The following RCC1 variants were observed in gnomAD, a reference collection of about 807,000 sequenced individuals.
RCC1 encodes regulator of chromosome condensation.
A neutral mutation model predicts 44.4 loss-of-function variants in RCC1; 11 were observed. The observed-to-expected ratio is 0.25, with a 90% CI of 0.16 to 0.41. RCC1 has a LOEUF of 0.41. RCC1 is among the 10% of genes least tolerant of loss of function. The pLI is 1.00. For missense variants in RCC1, 386 were observed against 547.1 expected (o/e 0.71, Z 2.94); for synonymous variants, 213 against 216.5 (o/e 0.98, Z 0.14).
chr1:28,507,442 C>T (rs199533014), intron 1 of RCC1: 10 of 518,998 alleles, frequency 1.9e-5, no homozygotes, highest in Non-Finnish European at 3.1e-5. Flanking sequence ...GGCTCTGCCC[C>T]ATGATGTACA....
chr1:28,510,519 G>C (rs1194436949), intron 3 of RCC1: 1 of 152,214 alleles, frequency 6.6e-6, no homozygotes, highest in Non-Finnish European at 1.5e-5. Flanking sequence ...AGGCAGAATT[G>C]CTGGAACCCG....
At chr1:28,532,950 G>A (rs1328322479) in intron 7 of RCC1, among the ~76,000 whole-genome samples, 1 of 152,016 alleles carries the variant, frequency 6.6e-6, no homozygotes. Context: ...CAAGTAGCTG[G>A]GATTACAGGC....
intron 4 of RCC1, among the ~76,000 whole-genome samples, chr1:28,527,494 C>G (rs1350489057): frequency 6.6e-6 from 1 of 152,066 alleles, no homozygotes; most frequent in Non-Finnish European, 1.5e-5. Flanking sequence ...CCTCCTGCCT[C>G]GACTTCCCAA....
intron 3 of RCC1, among the ~76,000 whole-genome samples, chr1:28,511,696 CTG>C (rs1223968105): frequency 2.0e-5 from 3 of 150,952 alleles, no homozygotes; most frequent in African/African-American, 4.9e-5. Context: ...TAATCTCACT[CTG>C]TCTCCAGGAG....
chr1:28,509,753 A>AGG (rs1441954640), intron 3 of RCC1: 2 of 152,226 alleles, frequency 1.3e-5, no homozygotes, highest in African/African-American at 2.4e-5. Context: ...ACCTAGTCTC[A>AGG]GGTGGGTCCC....
At chr1:28,506,193 T>C in intron 1 of RCC1, 109 bp downstream of exon 1, 1 of 444,462 alleles carries the variant, frequency 2.2e-6, no homozygotes, top group Non-Finnish European at 4.5e-6. Flanking sequence ...TAGTATTTTA[T>C]TTATTTACTT....
At chr1:28,531,774 A>G in intron 5 of RCC1, 29 bp from the exon 6 acceptor site, 1 of 1,497,204 alleles carries the variant, frequency 6.7e-7, no homozygotes, top group Middle Eastern at 1.9e-4. Context: ...CATCCTCTAC[A>G]CTCAGGGTCT....
intron 3 of RCC1, chr1:28,510,965 G>C (rs1447813973): frequency 6.6e-6 from 1 of 152,202 alleles, no homozygotes; most frequent in Non-Finnish European, 1.5e-5. Flanking sequence ...GGCAGGAAAT[G>C]AATGAATTTC....
intron 1 of RCC1, chr1:28,507,345 T>C (rs1662043167): frequency 1.9e-6 from 1 of 517,512 alleles, no homozygotes; most frequent in African/African-American, 1.9e-5. Context: ...ATTCTGTAAA[T>C]TTATGCGTTA....
chr1:28,512,549 T>C (rs1048146349), intron 3 of RCC1, among the ~76,000 whole-genome samples: 1 of 152,194 alleles, frequency 6.6e-6, no homozygotes, highest in Non-Finnish European at 1.5e-5. Context: ...TTGGGGTTAG[T>C]TTGCTCATCT....
chr1:28,508,814 A>G lies in RCC1; in HGVS notation c.-228-16A>G, dbSNP rs764856221. 1 of 517,288 alleles carries G rather than the reference A, an allele frequency of 1.9e-6. No individual in the cohort carries two copies. The highest frequency in any genetic ancestry group is 1.9e-5 in the African/African-American group (1 of 51,726). 32.0% of individuals were successfully genotyped at this position (517,288 alleles called of 1,614,324 possible). A position where few individuals can be genotyped will look rare whatever the true frequency, so the allele number is the denominator to read the frequency against. On this transcript the variant is annotated splice_polypyrimidine_tract_variant and intron_variant, in intron 2 of 12. Transcript: ENST00000683442. Reference sequence around the variant, plus strand: ...TAGGATCTTCAGGAGTCTAATCATTATTTCTTTTCTTTTAGGAGAGAAGAC... The same window carrying G: ...TAGGATCTTCAGGAGTCTAATCATTGTTTCTTTTCTTTTAGGAGAGAAGAC...
Position 28,536,366 on chromosome 1 carries a change from T to G in RCC1, c.922T>G (p.Cys308Gly). Residue 308 changes from cysteine (C) to glycine (G), a missense_variant, in exon 11 of 13, where the codon TGC becomes GGC. By Grantham distance (159) the Cys-to-Gly change is radical. Transcript: ENST00000683442. The surrounding 1 kb of genome is among the most constrained non-coding windows in gnomAD (Gnocchi z 4.9). ...CTCTGGTGGCCAGCACCATACAGTC[T>G]GCATGGATTCGGAAGGTAGGGCCTT... ...GFSGGQHHTVCMDSEGKAYSL... is the reference protein window; with the variant it reads ...GFSGGQHHTVGMDSEGKAYSL... The G allele has an allele frequency of 6.2e-7, 1 of 1,613,884 alleles. No homozygotes were observed. The highest frequency in any genetic ancestry group is 8.5e-7 in the Non-Finnish European group (1 of 1,179,956).
chr1:28,519,364 C>T (rs1570181826), intron 4 of RCC1, among the ~76,000 whole-genome samples: 1 of 152,012 alleles, frequency 6.6e-6, no homozygotes, highest in Non-Finnish European at 1.5e-5. Flanking sequence ...AAGATTTCCC[C>T]CAAGAAGGGT....
rs1249065486 is a variant in RCC1, at chr1:28,537,968, G to A, written c.1227G>A (p.Gln409=). ...TCTTATCTGTGTCCAGCGGGGGCCA[G>A]CATACAGTCTTATTAGTCAAGGACA... is the stretch of plus-strand genomic sequence containing the variant. ...RVVLSVSSGG[Q]HTVLLVKDKE... is the part of the protein sequence containing the mutation. Residue 409 remains glutamine (Q), a synonymous_variant, in exon 13 of 13, where the codon CAG becomes CAA. Coordinates refer to ENST00000683442, the MANE Select transcript of RCC1 (RefSeq NM_001381865.2). The A allele has an allele frequency of 6.2e-7, 1 of 1,613,768 alleles. No individual in the cohort carries two copies. Among genetic ancestry groups the A allele is most frequent in the Non-Finnish European group, 8.5e-7 (1 of 1,179,940 alleles).
rs567710263 is a variant in RCC1, at chr1:28,535,808, C to G, written c.662-63C>G. ...TTTTATAATGGAGGAGAATTAAACT[C>G]GGGGCAGAGAGAAGCCATGTGTGTC... On this transcript the variant is annotated intron_variant, in intron 9 of 12. Transcript: ENST00000683442. The G allele has an allele frequency of 3.2e-5, 49 of 1,549,654 alleles. 2 individuals carry two copies. In the South Asian group the frequency reaches 5.7e-4, roughly 18 times the overall value.
intron 4 of RCC1, among the ~76,000 whole-genome samples, chr1:28,528,009 C>CAAAAAAA (rs56261878): frequency 1.0e-5 from 1 of 97,620 alleles, no homozygotes. Context: ...AACTCTGCTT[C>CAAAAAAA]AAAAAAAAAA....
intron 5 of RCC1, among the ~76,000 whole-genome samples, chr1:28,530,803 C>T (rs1176866615): frequency 6.6e-6 from 1 of 152,210 alleles, no homozygotes; most frequent in Non-Finnish European, 1.5e-5. Context: ...CCTCCCGCCC[C>T]TCCTGCCTCT....
chr1:28,530,716 C>T, intron 5 of RCC1: 1 of 980,876 alleles, frequency 1.0e-6, no homozygotes, highest in South Asian at 1.7e-5. Context: ...CTGCCCGGGG[C>T]TGCGGGTTGG....
chr1:28,519,469 C>T (rs1663134339), intron 4 of RCC1, among the ~76,000 whole-genome samples: 1 of 152,184 alleles, frequency 6.6e-6, no homozygotes, highest in Non-Finnish European at 1.5e-5. Context: ...TTCATCGTTA[C>T]AACTTTCTCA....
Sources: gnomAD v4.1 joint callset for allele counts (sites outside exome capture counted in the v4.1 genomes callset) on GRCh38, gnomAD v4.1.1 for gene constraint, Gnocchi (gnomAD v3.1) non-coding constraint, MANE v1.5 for transcripts, NCBI Gene and HGNC (gene_info 2026-07-23, HGNC 2026-07-21) for gene names.